The following CARMIL1 variants were observed in gnomAD, a reference collection of about 807,000 sequenced individuals.
The protein encoded by CARMIL1 is capping protein regulator and myosin 1 linker 1.
Under a neutral mutation model 177.1 loss-of-function variants are expected in CARMIL1, and 90 were observed. The observed-to-expected ratio is 0.51, with a 90% CI of 0.43 to 0.61. The LOEUF (loss-of-function observed/expected upper bound fraction) is 0.61, where lower values mean the gene tolerates loss of function less well. Ranked by LOEUF, CARMIL1 falls within the 20% of genes least tolerant of loss-of-function variation. The pLI is 0.00. For missense variants in CARMIL1, 1,380 were observed against 1,667.0 expected (o/e 0.83, Z 3.00); for synonymous variants, 577 against 606.2 (o/e 0.95, Z 0.71).
rs769702901 is a variant in CARMIL1 at position 25,459,266 on chromosome 6, CT to C, written c.615-6593del. Among the ~76,000 whole-genome samples, 126 of 73,742 alleles carry C rather than the reference CT, an allele frequency of 1.7e-3. 5 individuals carry two copies. The highest frequency in any genetic ancestry group is 3.6e-3 in the Admixed American group (23 of 6,352). 48.4% of individuals were successfully genotyped at this position (73,742 alleles called of 152,430 possible). A position where few individuals can be genotyped will look rare whatever the true frequency, so the allele number is the denominator to read the frequency against. On this transcript the variant is annotated intron_variant, in intron 8 of 36. Coordinates refer to ENST00000329474, the MANE Select transcript of CARMIL1 (RefSeq NM_017640.6). The stretch of plus-strand genomic sequence containing the variant: ...TCTTTCTTTCTTTCTTTCTTTCTTT[CT>C]TTTTTTTTTTTTTAAGACAGGGTCT...
intron 26 of CARMIL1, among the ~76,000 whole-genome samples, chr6:25,547,819 ATT>A (rs1359484767): frequency 6.6e-6 from 1 of 152,124 alleles, no homozygotes; most frequent in Non-Finnish European, 1.5e-5. Flanking sequence ...CTTCTTGAGC[ATT>A]TTATTTTATT....
intron 12 of CARMIL1, 79 bp from the exon 13 acceptor site, chr6:25,488,403 G>T (rs1802878370): frequency 1.0e-6 from 1 of 1,001,204 alleles, no homozygotes; most frequent in Non-Finnish European, 1.6e-6. Context: ...TGATGGAAGT[G>T]TTGGGCCATT....
At chr6:25,545,101 G>T (rs1232280105) in intron 26 of CARMIL1, among the ~76,000 whole-genome samples, 1 of 152,108 alleles carries the variant, frequency 6.6e-6, no homozygotes, top group Non-Finnish European at 1.5e-5. Context: ...GGACTGTGTT[G>T]CTTTACACAT....
intron 36 of CARMIL1, chr6:25,612,871 T>C: frequency 2.0e-6 from 2 of 985,344 alleles, no homozygotes; most frequent in Non-Finnish European, 2.4e-6. Context: ...GCACAGGAAG[T>C]CACAGCCAAC....
At chr6:25,360,086 C>T (rs12333330) in intron 2 of CARMIL1, among the ~76,000 whole-genome samples, 7,195 of 152,084 alleles carry the variant, frequency 0.047, 497 homozygotes, top group African/African-American at 0.15. Context: ...TTCAGCCTCC[C>T]GGAGGGGTGG....
intron 2 of CARMIL1, among the ~76,000 whole-genome samples, chr6:25,391,264 A>G (rs1367719414): frequency 1.3e-5 from 2 of 152,206 alleles, no homozygotes; most frequent in Non-Finnish European, 2.9e-5. Flanking sequence ...TTTCCATAGG[A>G]CATTTTTCTA....
intron 2 of CARMIL1, among the ~76,000 whole-genome samples, chr6:25,362,425 A>G (rs1789312897): frequency 6.6e-6 from 1 of 152,238 alleles, no homozygotes; most frequent in Non-Finnish European, 1.5e-5. Flanking sequence ...CTGTAATCCC[A>G]GTACTTTGGG....
intron 2 of CARMIL1, among the ~76,000 whole-genome samples, chr6:25,316,667 C>T (rs1343535010): frequency 6.6e-6 from 1 of 152,112 alleles, no homozygotes; most frequent in East Asian, 1.9e-4. Context: ...CTGCCTCGGC[C>T]TCCAAAAGTG....
intron 2 of CARMIL1, among the ~76,000 whole-genome samples, chr6:25,403,616 C>T (rs184172436): frequency 2.0e-5 from 3 of 152,268 alleles, no homozygotes; most frequent in Admixed American, 6.5e-5. Flanking sequence ...AGGGCCTTTG[C>T]GTTTGCTATT....
At chr6:25,481,068 T>TC (rs1802081360) in intron 11 of CARMIL1, among the ~76,000 whole-genome samples, 1 of 151,830 alleles carries the variant, frequency 6.6e-6, no homozygotes, top group Admixed American at 6.6e-5. Context: ...TATTCTGTCT[T>TC]CCCCCCTTTC....
intron 2 of CARMIL1, among the ~76,000 whole-genome samples, chr6:25,368,000 T>C (rs1790016660): frequency 6.6e-6 from 1 of 152,238 alleles, no homozygotes; most frequent in Non-Finnish European, 1.5e-5. Flanking sequence ...CCTCAAGTGA[T>C]CTGCCTGCCT....
At chr6:25,567,329 AT>A (rs2151207765) in intron 29 of CARMIL1, among the ~76,000 whole-genome samples, 1 of 152,312 alleles carries the variant, frequency 6.6e-6, no homozygotes, top group East Asian at 1.9e-4. Context: ...GAGGTTTATT[AT>A]TCTCAGTGGA....
intron 2 of CARMIL1, among the ~76,000 whole-genome samples, chr6:25,384,952 A>G (rs1296851996): frequency 1.3e-5 from 2 of 152,192 alleles, no homozygotes; most frequent in Non-Finnish European, 2.9e-5. Context: ...CCATTCATCT[A>G]TCCAAGCATC....
chr6:25,416,423 C>CCT (rs1381560755), intron 2 of CARMIL1, among the ~76,000 whole-genome samples: 1 of 152,112 alleles, frequency 6.6e-6, no homozygotes, highest in African/African-American at 2.4e-5. Context: ...TCTCCATGTG[C>CCT]CTCTGTTTCT....
Position 25,577,129 on chromosome 6 carries a change from T to C in CARMIL1, c.2743-3795T>C. 3 of 985,314 alleles carry C rather than the reference T, an allele frequency of 3.0e-6. No homozygotes were observed. Among genetic ancestry groups the C allele is most frequent in the Non-Finnish European group, 2.4e-6 (2 of 829,886 alleles). 61.0% of individuals were successfully genotyped at this position (985,314 alleles called of 1,614,324 possible). A position where few individuals can be genotyped will look rare whatever the true frequency, so the allele number is the denominator to read the frequency against. ...ATCCATCTGCAGATCCTGAATGAAA[T>C]AGGCAACAATTTAGAGACAAGATTG... On this transcript the variant is annotated intron_variant, in intron 29 of 36. Coordinates refer to ENST00000329474, the MANE Select transcript of CARMIL1 (RefSeq NM_017640.6). This position sits in a 1 kb window ranked among gnomAD's most constrained non-coding sequence, Gnocchi z 4.5.
At chr6:25,474,611 C>T (rs549882451) in intron 11 of CARMIL1, among the ~76,000 whole-genome samples, 1 of 152,116 alleles carries the variant, frequency 6.6e-6, no homozygotes. Flanking sequence ...CTAGATCACG[C>T]AAAAAGTACC....
intron 2 of CARMIL1, among the ~76,000 whole-genome samples, chr6:25,396,715 G>A (rs1793434044): frequency 6.6e-6 from 1 of 151,904 alleles, no homozygotes; most frequent in Admixed American, 6.6e-5. Context: ...TTATTTTTTT[G>A]TATTAACAAC....
At chr6:25,547,138 C>T (rs1289620448) in intron 26 of CARMIL1, among the ~76,000 whole-genome samples, 3 of 152,036 alleles carry the variant, frequency 2.0e-5, no homozygotes, top group African/African-American at 7.2e-5. Flanking sequence ...ATCTCTAACA[C>T]CTCAATGGAG....
intron 29 of CARMIL1, among the ~76,000 whole-genome samples, chr6:25,566,167 T>C (rs1400309360): frequency 6.6e-6 from 1 of 152,240 alleles, no homozygotes; most frequent in African/African-American, 2.4e-5. Context: ...ACCTTCACTG[T>C]TGCTTCTGCA....
Sources: gnomAD v4.1 joint callset for allele counts (sites outside exome capture counted in the v4.1 genomes callset) on GRCh38, gnomAD v4.1.1 for gene constraint, Gnocchi (gnomAD v3.1) non-coding constraint, MANE v1.5 for transcripts, NCBI Gene and HGNC (gene_info 2026-07-23, HGNC 2026-07-21) for gene names.